The following LIPA variants were observed in gnomAD, a reference collection of about 807,000 sequenced individuals.
LIPA encodes lipase A, lysosomal acid type.
LIPA carries 26 observed loss-of-function variants against 40.6 expected under a neutral mutation model. That is an observed-to-expected ratio of 0.64 (90% CI 0.47 to 0.89). LIPA has a LOEUF of 0.89. Ranked by LOEUF, LIPA falls within the 40% of genes least tolerant of loss-of-function variation. The pLI is 0.00. For synonymous variants in LIPA, 188 were observed against 168.4 expected (o/e 1.12, Z -0.90); for missense variants, 455 against 479.6 (o/e 0.95, Z 0.48).
At chr10:89,316,735 AG>A (rs1843543500) in intron 1 of LIPA, among the ~76,000 whole-genome samples, 1 of 152,228 alleles carries the variant, frequency 6.6e-6, no homozygotes, top group African/African-American at 2.4e-5. Flanking sequence ...CCCAGCACGG[AG>A]TTTGAGATCT....
chr10:89,403,094 A>G lies in LIPA; in HGVS notation c.61+9697T>C. ...GCTCTGTGGATAAAGCTCTTGAGTT[A>G]TTAAAAAAGGCCTTGCAGGAAACAC... On this transcript the variant is annotated intron_variant, in intron 2 of 8. Coordinates refer to the LIPA transcript ENST00000371837. 3 of 1,614,232 alleles carry G rather than the reference A, an allele frequency of 1.9e-6. 1 individual carries two copies. The South Asian group carries it at 3.3e-5, about 18-fold the overall frequency.
In LIPA at chr10:89,245,792, C is replaced by T; in HGVS notation, c.113G>A (p.Ser38Asn). Residue 38 changes from serine to asparagine, a missense_variant and splice_region_variant, in exon 3 of 10, where the codon AGT becomes AAT. By Grantham distance (46) the Ser-to-Asn change is conservative. Transcript: ENST00000336233. ...AVDPETNMNV[S>N]EIISYWGFPS... ...GAATCCCCAGTAAGAGATAATTTCACTCTGTAGAGAAAAAGGACGATGGAA... is the reference window on the plus strand; with the variant it reads ...GAATCCCCAGTAAGAGATAATTTCATTCTGTAGAGAAAAAGGACGATGGAA... The T allele has an allele frequency of 6.8e-7, 1 of 1,478,208 alleles. No individual in the cohort carries two copies. Among genetic ancestry groups the T allele is most frequent in the Non-Finnish European group, 9.5e-7 (1 of 1,056,046 alleles). The allele number at this position is 1,478,208 out of a possible 1,614,324, so 91.6% of individuals were successfully genotyped here.
chr10:89,227,721 G>T (rs1439983155), intron 4 of LIPA, among the ~76,000 whole-genome samples: 1 of 152,164 alleles, frequency 6.6e-6, no homozygotes, highest in Non-Finnish European at 1.5e-5. Flanking sequence ...TAAGCCCCCA[G>T]TGACCTTATG....
chr10:89,341,355 C>A (rs965397335), intron 1 of LIPA, among the ~76,000 whole-genome samples: 5 of 152,204 alleles, frequency 3.3e-5, no homozygotes, highest in Non-Finnish European at 7.3e-5. Flanking sequence ...AAACTGCCAG[C>A]ATCTGACACG....
chr10:89,307,344 T>A lies in LIPA; in HGVS notation c.-2+35267A>T, dbSNP rs761053062. 1.1e-5 allele frequency: 18 copies of A among 1,608,282 alleles called. No homozygotes were observed. Among genetic ancestry groups the A allele is most frequent in the Non-Finnish European group, 1.4e-5 (17 of 1,175,602 alleles). On this transcript the variant is annotated intron_variant, in intron 1 of 5. Transcript: ENST00000282673. The stretch of plus-strand genomic sequence containing the variant: ...AGGGGTTTGGAGTCTGGAAGCCTCA[T>A]CCCTTCAGCATCAAGCTGGAATGGG...
chr10:89,346,660 G>C (rs553060333), upstream of LIPA, among the ~76,000 whole-genome samples: 1 of 152,142 alleles, frequency 6.6e-6, no homozygotes, highest in Admixed American at 6.5e-5. Context: ...CCAGTCTGAC[G>C]CAATAAACAG....
chr10:89,339,674 A>G, intron 1 of LIPA: 2 of 1,614,240 alleles, frequency 1.2e-6, no homozygotes, highest in Non-Finnish European at 1.7e-6. Context: ...GAGTTCCTGG[A>G]GACGGAATGT....
intron 1 of LIPA, among the ~76,000 whole-genome samples, chr10:89,287,430 C>T (rs1244343081): frequency 1.3e-5 from 2 of 152,052 alleles, no homozygotes; most frequent in Non-Finnish European, 2.9e-5. Context: ...TTTAATTATC[C>T]CCACCTGCCC....
intron 2 of LIPA, among the ~76,000 whole-genome samples, chr10:89,358,385 C>G (rs746437470): frequency 3.9e-5 from 6 of 152,074 alleles, no homozygotes; most frequent in Non-Finnish European, 8.8e-5. Context: ...ACGTTTCCCC[C>G]CAAAACTGAA....
upstream of LIPA, among the ~76,000 whole-genome samples, chr10:89,344,342 GACT>G (rs1843898035): frequency 6.6e-6 from 1 of 152,140 alleles, no homozygotes. Flanking sequence ...CTTTCTCATG[GACT>G]ACATTACATT....
intron 1 of LIPA, among the ~76,000 whole-genome samples, chr10:89,248,320 C>T (rs970523492): frequency 4.6e-5 from 7 of 151,302 alleles, no homozygotes; most frequent in African/African-American, 1.5e-4. Flanking sequence ...GGCCACCATG[C>T]CCGGCTAATT....
intron 1 of LIPA, chr10:89,338,427 TCAA>T (rs1843782810): frequency 4.1e-6 from 2 of 491,354 alleles, no homozygotes; most frequent in Non-Finnish European, 7.3e-6. Flanking sequence ...ATTAAGGCCC[TCAA>T]CAGAATGGAT....
At chr10:89,398,200 T>C (rs567596806) in intron 2 of LIPA, among the ~76,000 whole-genome samples, 3 of 152,252 alleles carry the variant, frequency 2.0e-5, no homozygotes, top group South Asian at 2.1e-4. Context: ...AAGGCAGCTG[T>C]TCTATAACTC....
chr10:89,354,862 G>A (rs1015193212), intron 2 of LIPA, among the ~76,000 whole-genome samples: 3 of 152,112 alleles, frequency 2.0e-5, no homozygotes, highest in South Asian at 2.1e-4. Flanking sequence ...CACCATGCCC[G>A]GTGTATGTTA....
intron 2 of LIPA, chr10:89,363,609 C>T (rs1440133153): frequency 6.6e-6 from 1 of 152,094 alleles, no homozygotes; most frequent in East Asian, 1.9e-4. Context: ...AACCCTGTCT[C>T]TACTAAAAAT....
At chr10:89,222,645 C>T (rs1842715426) in intron 7 of LIPA, 63 bp from the exon 8 acceptor site, 1 of 1,081,058 alleles carries the variant, frequency 9.3e-7, no homozygotes, top group Non-Finnish European at 1.4e-6. Context: ...TGATAATAAA[C>T]ATTGTATTTT....
chr10:89,371,910 G>T (rs1043700527), intron 2 of LIPA, among the ~76,000 whole-genome samples: 1 of 152,146 alleles, frequency 6.6e-6, no homozygotes, highest in African/African-American at 2.4e-5. Context: ...GCAGCAACAT[G>T]GATGGAGCTG....
At chr10:89,386,145 T>C (rs1844209004) in intron 2 of LIPA, among the ~76,000 whole-genome samples, 1 of 152,150 alleles carries the variant, frequency 6.6e-6, no homozygotes, top group African/African-American at 2.4e-5. Context: ...CCTCAAGAGA[T>C]CTTCCCTCCT....
intron 1 of LIPA, among the ~76,000 whole-genome samples, chr10:89,264,954 G>T (rs575872316): frequency 6.6e-6 from 1 of 152,274 alleles, no homozygotes; most frequent in African/African-American, 2.4e-5. Flanking sequence ...ACAGGCCCAT[G>T]CTAAGCAACC....
Sources: allele counts gnomAD v4.1 joint callset (sites outside exome capture counted in the v4.1 genomes callset), GRCh38; gene constraint gnomAD v4.1.1; transcripts MANE v1.5; gene names NCBI Gene and HGNC (gene_info 2026-07-23, HGNC 2026-07-21).